The following UTS2 variants were observed in gnomAD, a reference collection of about 807,000 sequenced individuals.
UTS2 encodes the protein urotensin-2.
A neutral mutation model predicts 12.6 loss-of-function variants in UTS2; 10 were observed. The observed-to-expected ratio is 0.80, with a 90% confidence interval of 0.49 to 1.35. The LOEUF is 1.35. UTS2 is among the 40% of genes most tolerant of loss of function. UTS2 has a pLI of 0.00. For missense variants in UTS2, 142 were observed against 143.2 expected, an observed-to-expected ratio of 0.99 and a Z score of 0.04; for synonymous variants, 52 against 50.0, an observed-to-expected ratio of 1.04 and a Z score of -0.17.
chr1:7,856,084 G>T (rs1186396520), upstream of UTS2, among the ~76,000 whole-genome samples: 2 of 151,874 alleles, frequency 1.3e-5, no homozygotes, highest in African/African-American at 4.8e-5. Context: ...TCCTGCCTCG[G>T]CCCCCGGAAG....
chr1:7,876,300 A>G, the UTS2 span, among the ~76,000 whole-genome samples: 2 of 152,196 alleles, frequency 1.3e-5, no homozygotes, highest in African/African-American at 2.4e-5. Context: ...AACTACCACC[A>G]GCACCCACAC....
chr1:7,905,449 A>C, the UTS2 span, among the ~76,000 whole-genome samples: 3 of 151,682 alleles, frequency 2.0e-5, no homozygotes, highest in East Asian at 5.8e-4. Flanking sequence ...GGCCGTAATT[A>C]ACATGTATTA....
At chr1:7,857,015 C>T (rs929526192), upstream of UTS2, among the ~76,000 whole-genome samples, 11 of 151,068 alleles carry the variant, frequency 7.3e-5, no homozygotes, top group Non-Finnish European at 1.2e-4. Flanking sequence ...GAGCCGAGAT[C>T]GTGCCATTGC....
chr1:7,862,751 G>A, the UTS2 span, among the ~76,000 whole-genome samples: 17 of 152,142 alleles, frequency 1.1e-4, no homozygotes, highest in South Asian at 4.2e-4. Context: ...TCTATTCATC[G>A]GGGTCCACCC....
the UTS2 span, among the ~76,000 whole-genome samples, chr1:7,906,449 G>GAGAAAGGAAGAAAGAA: frequency 4.5e-4 from 33 of 73,276 alleles, no homozygotes; most frequent in African/African-American, 1.6e-3. Context: ...GAAAGAAAAA[G>GAGAAAGGAAGAAAGAA]AGAAAGAAAG....
At chr1:7,851,063 G>A (rs2097413588) in intron 1 of UTS2, 141 bp from the exon 2 acceptor site, 1 of 748,726 alleles carries the variant, frequency 1.3e-6, no homozygotes, top group African/African-American at 1.7e-5. Flanking sequence ...CGTGTCATCA[G>A]TGGTATTCTA....
At chr1:7,862,998 G>GTATTGTATTGTATTGTATTGTAT in the UTS2 span, among the ~76,000 whole-genome samples, 2 of 19,584 alleles carry the variant, frequency 1.0e-4, no homozygotes, top group African/African-American at 1.7e-4. Flanking sequence ...GTGTTGTATT[G>GTATTGTATTGTATTGTATTGTAT]TATTGTATTG....
At chr1:7,864,273 G>A in the UTS2 span, among the ~76,000 whole-genome samples, 3 of 152,278 alleles carry the variant, frequency 2.0e-5, no homozygotes, top group East Asian at 1.9e-4. Flanking sequence ...CTGGCAGATG[G>A]TCATCATGGG....
At chr1:7,886,159 C>T in the UTS2 span, among the ~76,000 whole-genome samples, 2 of 152,034 alleles carry the variant, frequency 1.3e-5, no homozygotes, top group Non-Finnish European at 2.9e-5. Context: ...GCTCCCTGCC[C>T]ACTCTGAGTC....
chr1:7,896,209 A>T, the UTS2 span, among the ~76,000 whole-genome samples: 2 of 152,092 alleles, frequency 1.3e-5, no homozygotes, highest in Non-Finnish European at 2.9e-5. Flanking sequence ...TAGATACTTG[A>T]GTTCTCAAAA....
upstream of UTS2, among the ~76,000 whole-genome samples, chr1:7,858,075 A>T (rs946076436): frequency 1.3e-5 from 2 of 152,186 alleles, no homozygotes; most frequent in African/African-American, 4.8e-5. Flanking sequence ...CTGTTTGCCA[A>T]GCTTTGTCAT....
upstream of UTS2, among the ~76,000 whole-genome samples, chr1:7,857,009 C>T (rs1159461089): frequency 2.0e-5 from 3 of 151,292 alleles, no homozygotes; most frequent in African/African-American, 2.4e-5. Context: ...TGCAGTGAGC[C>T]GAGATCGTGC....
the UTS2 span, among the ~76,000 whole-genome samples, chr1:7,877,148 A>AAAAAAAAAAAAAAAAG: frequency 9.6e-6 from 1 of 103,724 alleles, no homozygotes; most frequent in African/African-American, 3.6e-5. Flanking sequence ...AAAAAGAAAA[A>AAAAAAAAAAAAAAAAG]AAAAAGAAAC....
the UTS2 span, among the ~76,000 whole-genome samples, chr1:7,863,047 T>TGTA: frequency 9.7e-4 from 36 of 37,062 alleles, 1 homozygote; most frequent in Non-Finnish European, 1.6e-3. Flanking sequence ...TGTATTGTAT[T>TGTA]GTATTGTATT....
chr1:7,894,235 T>G, the UTS2 span, among the ~76,000 whole-genome samples: 2 of 151,676 alleles, frequency 1.3e-5, no homozygotes, highest in African/African-American at 2.4e-5. Flanking sequence ...CAGGCGGGAG[T>G]GCAGTGGCAC....
chr1:7,910,483 C>G, the UTS2 span, among the ~76,000 whole-genome samples: 1 of 152,120 alleles, frequency 6.6e-6, no homozygotes, highest in Non-Finnish European at 1.5e-5. Context: ...CAGATCAGAG[C>G]CTTTTTGTCC....
the UTS2 span, among the ~76,000 whole-genome samples, chr1:7,878,882 C>T: frequency 6.6e-6 from 1 of 152,122 alleles, no homozygotes; most frequent in Admixed American, 6.5e-5. Context: ...TTAGATAAAA[C>T]AGATTTTGAG....
the UTS2 span, among the ~76,000 whole-genome samples, chr1:7,886,100 G>T: frequency 1.3e-4 from 20 of 152,120 alleles, no homozygotes; most frequent in Non-Finnish European, 2.5e-4. Flanking sequence ...GTGGATCTGT[G>T]CCCTACCCGG....
intron 3 of UTS2, 112 bp from the exon 4 acceptor site, chr1:7,847,994 A>C: frequency 1.3e-6 from 1 of 770,080 alleles, no homozygotes; most frequent in Non-Finnish European, 2.1e-6. Context: ...ACTTCTTAAA[A>C]GTATTTGCAT....
Sources: gnomAD v4.1 joint callset for allele counts (sites outside exome capture counted in the v4.1 genomes callset) on GRCh38, gnomAD v4.1.1 for gene constraint, MANE v1.5 for transcripts, NCBI Gene and HGNC (gene_info 2026-07-23, HGNC 2026-07-21) for gene names.